Variants in OXR1 observed in about 807,000 individuals in gnomAD.
OXR1 encodes oxidation resistance protein 1.
A neutral mutation model predicts 104.6 loss-of-function variants in OXR1; 41 were observed. The observed-to-expected ratio is 0.39, with a 90% CI of 0.31 to 0.51. OXR1 has a LOEUF of 0.51. Among genes scored for constraint, OXR1 ranks in the 20% least tolerant of loss-of-function variants. The pLI, the probability that OXR1 is intolerant of heterozygous loss-of-function variation, is 0.77. For synonymous variants in OXR1, 348 were observed against 348.4 expected, an observed-to-expected ratio of 1.00 and a Z score of 0.01; for missense variants, 955 against 1,031.9, an observed-to-expected ratio of 0.93 and a Z score of 1.02.
Position 106,403,897 on chromosome 8 carries a change from G to C in OXR1, c.23+44261G>C, listed in dbSNP as rs1818103520. 2.6e-5 allele frequency among the ~76,000 whole-genome samples: 4 copies of C among 152,006 alleles called. No homozygotes were observed. In the South Asian group the frequency reaches 8.3e-4, roughly 31 times the overall value. The stretch of plus-strand genomic sequence containing the variant: ...CACAGCTCTTCATGGGTCACACTTT[G>C]AACCTCACCTTTAGGGGCCTGTTGG... On this transcript the variant is annotated intron_variant, in intron 2 of 16. Coordinates refer to ENST00000517566, the MANE Select transcript of OXR1 (RefSeq NM_001198533.2).
At chr8:106,349,658 T>G (rs1254687335) in intron 1 of OXR1, among the ~76,000 whole-genome samples, 3 of 152,024 alleles carry the variant, frequency 2.0e-5, no homozygotes, top group East Asian at 3.9e-4. Context: ...TATTACCATA[T>G]GGAAAAATGG....
At chr8:106,707,896 T>C (rs1219516002) in intron 9 of OXR1, among the ~76,000 whole-genome samples, 2 of 152,190 alleles carry the variant, frequency 1.3e-5, no homozygotes, top group Non-Finnish European at 2.9e-5. Context: ...TCAAAGATTT[T>C]TGTTTTGCTG....
chr8:106,705,166 C>G (rs752452010), intron 8 of OXR1, among the ~76,000 whole-genome samples: 2 of 152,126 alleles, frequency 1.3e-5, no homozygotes, highest in Non-Finnish European at 2.9e-5. Flanking sequence ...TAAGGGTCTT[C>G]TAATTCTTTA....
chr8:106,303,534 G>T (rs925063058), intron 1 of OXR1, among the ~76,000 whole-genome samples: 6 of 151,958 alleles, frequency 3.9e-5, no homozygotes, highest in Non-Finnish European at 8.8e-5. Context: ...TACCGAGCCC[G>T]GCCGGAACTT....
intron 3 of OXR1, among the ~76,000 whole-genome samples, chr8:106,669,165 A>G (rs1826660212): frequency 1.3e-5 from 2 of 152,102 alleles, no homozygotes; most frequent in African/African-American, 4.8e-5. Context: ...AGGAACATGC[A>G]GAAGAAGTCT....
intron 11 of OXR1, 112 bp downstream of exon 11, chr8:106,714,097 A>G: frequency 1.3e-6 from 1 of 751,232 alleles, no homozygotes. Context: ...ATTTTTTTAA[A>G]GGTCAGGTTC....
At chr8:106,354,490 C>G (rs1815875219) in intron 1 of OXR1, among the ~76,000 whole-genome samples, 1 of 151,976 alleles carries the variant, frequency 6.6e-6, no homozygotes, top group African/African-American at 2.4e-5. Flanking sequence ...TCCAATGGAC[C>G]CTTGGATATC....
Position 106,670,234 on chromosome 8 carries a change from T to C in OXR1, c.221-8976T>C, listed in dbSNP as rs561021421. Among the ~76,000 whole-genome samples, 11 of 152,272 alleles carry C rather than the reference T, an allele frequency of 7.2e-5. No individual in the cohort carries two copies. The South Asian group carries it at 2.3e-3, about 32-fold the overall frequency. On this transcript the variant is annotated intron_variant, in intron 3 of 16. Coordinates refer to ENST00000517566, the MANE Select transcript of OXR1 (RefSeq NM_001198533.2). The stretch of plus-strand genomic sequence containing the variant: ...AGGGAGAAAGATAAACTGAAGTAGC[T>C]AGGCCTCCCTAGGAAGATACTTCAA...
At chr8:106,386,380 C>T (rs1265207238) in intron 2 of OXR1, among the ~76,000 whole-genome samples, 1 of 152,166 alleles carries the variant, frequency 6.6e-6, no homozygotes, top group Non-Finnish European at 1.5e-5. Context: ...GGAGATCCTT[C>T]ATGCATTTGC....
At position 106,630,578 on chromosome 8, in the gene OXR1, C is replaced by T. The variant is rs565604008; in HGVS notation, c.221-48632C>T. On this transcript the variant is annotated intron_variant, in intron 3 of 16. Coordinates refer to ENST00000517566, the MANE Select transcript of OXR1 (RefSeq NM_001198533.2). Reference sequence around the variant, plus strand: ...CTAGGCACAACAGAACTCATATGCACGTGCAAGAAGTAAAAGCTATGATAA... The same window carrying T: ...CTAGGCACAACAGAACTCATATGCATGTGCAAGAAGTAAAAGCTATGATAA... Among the ~76,000 whole-genome samples the T allele has an allele frequency of 4.6e-5, 7 of 152,138 alleles. No homozygotes were observed. In the East Asian group the frequency reaches 1.3e-3, roughly 29 times the overall value.
chr8:106,564,333 C>T (rs991611327), intron 3 of OXR1, among the ~76,000 whole-genome samples: 14 of 151,990 alleles, frequency 9.2e-5, no homozygotes, highest in African/African-American at 3.1e-4. Context: ...ATACAAACTA[C>T]CATCAGAGAA....
At chr8:106,681,534 T>C (rs759457709) in intron 4 of OXR1, among the ~76,000 whole-genome samples, 8 of 152,176 alleles carry the variant, frequency 5.3e-5, no homozygotes, top group Non-Finnish European at 1.0e-4. Flanking sequence ...TATTTTATTT[T>C]GTTTTCTGGA....
intron 3 of OXR1, among the ~76,000 whole-genome samples, chr8:106,568,807 A>G (rs1286873706): frequency 6.6e-6 from 1 of 152,158 alleles, no homozygotes; most frequent in Non-Finnish European, 1.5e-5. Context: ...AATACTAGAA[A>G]ATAAATAAAT....
intron 11 of OXR1, among the ~76,000 whole-genome samples, chr8:106,726,647 TGAATA>T (rs1227978965): frequency 1.3e-5 from 2 of 152,286 alleles, no homozygotes; most frequent in South Asian, 2.1e-4. Flanking sequence ...GAAAATAAAT[TGAATA>T]GAACAGAGTA....
At chr8:106,436,436 A>G (rs1034179004) in intron 2 of OXR1, among the ~76,000 whole-genome samples, 4 of 151,774 alleles carry the variant, frequency 2.6e-5, no homozygotes, top group Admixed American at 6.6e-5. Context: ...AATAGCCACC[A>G]CTGTACTGTA....
intron 1 of OXR1, among the ~76,000 whole-genome samples, chr8:106,349,550 A>G (rs936964975): frequency 6.6e-6 from 1 of 152,220 alleles, no homozygotes; most frequent in Admixed American, 6.5e-5. Context: ...AAAATCAGGG[A>G]AAATTATTCT....
intron 1 of OXR1, among the ~76,000 whole-genome samples, chr8:106,310,054 G>A (rs907623324): frequency 1.3e-5 from 2 of 151,628 alleles, no homozygotes; most frequent in Middle Eastern, 6.9e-3. Context: ...GTGGAAAATG[G>A]GAATGATTTT....
chr8:106,556,927 C>G (rs532318583), intron 3 of OXR1, among the ~76,000 whole-genome samples: 4 of 152,330 alleles, frequency 2.6e-5, no homozygotes, highest in Non-Finnish European at 4.4e-5. Context: ...GCTTCTTGCT[C>G]TCATCATCCA....
Position 106,366,064 on chromosome 8 carries a change from G to A in OXR1, c.23+6428G>A, listed in dbSNP as rs187354598. Among the ~76,000 whole-genome samples the A allele has an allele frequency of 3.9e-5, 6 of 152,118 alleles. No homozygotes were observed. In the East Asian group the frequency reaches 1.2e-3, roughly 29 times the overall value. The stretch of plus-strand genomic sequence containing the variant: ...GCCCTCCTTCTCAAACTTGCCATTG[G>A]TCATAAGTCATTAGAAATAATTGAT... On this transcript the variant is annotated intron_variant, in intron 2 of 16. Coordinates refer to ENST00000517566, the MANE Select transcript of OXR1 (RefSeq NM_001198533.2).
Sources: allele counts gnomAD v4.1 joint callset (sites outside exome capture counted in the v4.1 genomes callset), GRCh38; gene constraint gnomAD v4.1.1; transcripts MANE v1.5; gene names NCBI Gene and HGNC (gene_info 2026-07-23, HGNC 2026-07-21).